PCSK2: variants seen among roughly 807,000 people sequenced by gnomAD.
PCSK2 encodes the protein neuroendocrine convertase 2.
PCSK2 carries 14 observed loss-of-function variants against 69.7 expected under a neutral mutation model. The ratio of observed to expected loss-of-function variants is 0.20; its 90% CI spans 0.13 to 0.31. The LOEUF is 0.31. Ranked by LOEUF, PCSK2 falls within the 10% of genes least tolerant of loss-of-function variation. The pLI, the probability that PCSK2 is intolerant of heterozygous loss-of-function variation, is 1.00. For missense variants in PCSK2, 544 were observed against 842.5 expected (o/e 0.65, Z 4.39); for synonymous variants, 307 against 320.7 (o/e 0.96, Z 0.46).
At chr20:17,284,697 G>C (rs1454899296) in intron 2 of PCSK2, among the ~76,000 whole-genome samples, 1 of 152,120 alleles carries the variant, frequency 6.6e-6, no homozygotes, top group African/African-American at 2.4e-5. Context: ...CCAAGACACT[G>C]GATTGTGACA....
intron 6 of PCSK2, among the ~76,000 whole-genome samples, chr20:17,414,726 C>A (rs2031959314): frequency 6.6e-6 from 1 of 152,012 alleles, no homozygotes; most frequent in African/African-American, 2.4e-5. Context: ...GGCAGAGACA[C>A]AACAAAAAAA....
At chr20:17,389,548 T>C (rs1450928089) in intron 5 of PCSK2, among the ~76,000 whole-genome samples, 1 of 152,206 alleles carries the variant, frequency 6.6e-6, no homozygotes. Context: ...TGCTCAGGCC[T>C]GAACACTGCT....
chr20:17,342,806 CTTTTTCTTTTCCTT>C (rs1990544517), intron 2 of PCSK2, among the ~76,000 whole-genome samples: 1 of 151,848 alleles, frequency 6.6e-6, no homozygotes, highest in South Asian at 2.1e-4. Context: ...TAATTGTTTT[CTTTTTCTTTTCCTT>C]TTTTTCTTTT....
At chr20:17,475,941 G>A (rs1056247404) in intron 11 of PCSK2, among the ~76,000 whole-genome samples, 3 of 152,216 alleles carry the variant, frequency 2.0e-5, no homozygotes, top group Non-Finnish European at 4.4e-5. Context: ...CTCAGAGCCA[G>A]GGTCTCTCTT....
intron 5 of PCSK2, among the ~76,000 whole-genome samples, chr20:17,401,862 C>T (rs1018523492): frequency 1.3e-5 from 2 of 152,134 alleles, no homozygotes; most frequent in Non-Finnish European, 2.9e-5. Flanking sequence ...GTAAATTTTT[C>T]CACCCAAGTT....
At chr20:17,404,364 T>C (rs1335585442) in intron 5 of PCSK2, among the ~76,000 whole-genome samples, 1 of 152,204 alleles carries the variant, frequency 6.6e-6, no homozygotes. Context: ...CCAAGGGCAG[T>C]GTTCTAACCT....
intron 5 of PCSK2, among the ~76,000 whole-genome samples, chr20:17,385,765 T>C (rs1299625835): frequency 6.6e-6 from 1 of 152,110 alleles, no homozygotes; most frequent in Non-Finnish European, 1.5e-5. Flanking sequence ...AGGAAGTCAA[T>C]ACAGGGTGTG....
chr20:17,258,010 G>A (rs1987241733), intron 1 of PCSK2, among the ~76,000 whole-genome samples: 1 of 152,172 alleles, frequency 6.6e-6, no homozygotes, highest in Non-Finnish European at 1.5e-5. Context: ...TGGGGAGTAG[G>A]ACTTTTCCAA....
At chr20:17,244,128 A>G (rs1338191894) in intron 1 of PCSK2, among the ~76,000 whole-genome samples, 1 of 152,230 alleles carries the variant, frequency 6.6e-6, no homozygotes, top group Non-Finnish European at 1.5e-5. Flanking sequence ...CAAATGATTC[A>G]CCAAAGTAAT....
At chr20:17,363,696 G>A (rs1600523006) in intron 4 of PCSK2, among the ~76,000 whole-genome samples, 1 of 152,318 alleles carries the variant, frequency 6.6e-6, no homozygotes, top group East Asian at 1.9e-4. Context: ...TGAGATGGAA[G>A]GCCAGCGAGC....
At chr20:17,259,656 G>A (rs1242514859) in intron 1 of PCSK2, among the ~76,000 whole-genome samples, 1 of 152,184 alleles carries the variant, frequency 6.6e-6, no homozygotes, top group African/African-American at 2.4e-5. Context: ...CTGATTTCAA[G>A]GATCCTTGAG....
chr20:17,400,957 T>C (rs115030892), intron 5 of PCSK2, among the ~76,000 whole-genome samples: 3,004 of 152,332 alleles, frequency 0.02, 97 homozygotes, highest in African/African-American at 0.069. Context: ...TTACAGTCAC[T>C]GCCAGAATGA....
chr20:17,288,843 T>C (rs1423814007), intron 2 of PCSK2, among the ~76,000 whole-genome samples: 1 of 152,208 alleles, frequency 6.6e-6, no homozygotes, highest in African/African-American at 2.4e-5. Context: ...CCCCCCAGTC[T>C]ATGGTACTTT....
At chr20:17,431,214 A>AT (rs1323848912) in intron 7 of PCSK2, among the ~76,000 whole-genome samples, 1 of 152,128 alleles carries the variant, frequency 6.6e-6, no homozygotes, top group Non-Finnish European at 1.5e-5. Flanking sequence ...CCTGCAGGTA[A>AT]TTCTCTGAGG....
intron 5 of PCSK2, among the ~76,000 whole-genome samples, chr20:17,406,551 T>C (rs1289478366): frequency 6.6e-6 from 1 of 152,094 alleles, no homozygotes; most frequent in African/African-American, 2.4e-5. Flanking sequence ...GTTCTGAGGG[T>C]TCTCTGCTGT....
chr20:17,230,848 A>C (rs138435570), intron 1 of PCSK2, among the ~76,000 whole-genome samples: 95 of 152,312 alleles, frequency 6.2e-4, no homozygotes, highest in African/African-American at 2.2e-3. Context: ...AAATAAAAGC[A>C]CCTATAACTT....
chr20:17,351,513 G>C (rs761252095), intron 2 of PCSK2, among the ~76,000 whole-genome samples: 2 of 152,044 alleles, frequency 1.3e-5, no homozygotes, highest in East Asian at 3.9e-4. Context: ...AATTAAAAAG[G>C]CTTTATTCCT....
chr20:17,413,572 A>G (rs527681806), intron 6 of PCSK2, among the ~76,000 whole-genome samples: 6 of 152,218 alleles, frequency 3.9e-5, no homozygotes, highest in Non-Finnish European at 8.8e-5. Flanking sequence ...AGAGTCCCAC[A>G]CAATAATAAG....
intron 5 of PCSK2, among the ~76,000 whole-genome samples, chr20:17,399,779 C>G (rs1239725419): frequency 1.3e-5 from 2 of 152,156 alleles, no homozygotes; most frequent in Non-Finnish European, 2.9e-5. Context: ...ACCCAGGGGC[C>G]ACCAGGTAGT....
Sources: gnomAD v4.1 joint callset for allele counts (sites outside exome capture counted in the v4.1 genomes callset) on GRCh38, gnomAD v4.1.1 for gene constraint, MANE v1.5 for transcripts, NCBI Gene and HGNC (gene_info 2026-07-23, HGNC 2026-07-21) for gene names.